CADM2: variants seen among roughly 807,000 people sequenced by gnomAD.
CADM2 encodes the protein immunoglobulin superfamily member 4D.
CADM2 carries 12 observed loss-of-function variants against 49.8 expected under a neutral mutation model. That is an observed-to-expected ratio of 0.24 (90% CI 0.15 to 0.39). The LOEUF is 0.39. CADM2 is among the 10% of genes least tolerant of loss of function. The probability of loss-of-function intolerance (pLI) is 1.00; values close to 1 mark genes in which losing one functional copy is unlikely to be tolerated. For missense variants in CADM2, 378 were observed against 492.3 expected (o/e 0.77, Z 2.20); for synonymous variants, 214 against 175.4 (o/e 1.22, Z -1.74).
chr3:85,335,309 A>G (rs1212232474), intron 1 of CADM2, among the ~76,000 whole-genome samples: 1 of 151,512 alleles, frequency 6.6e-6, no homozygotes, highest in Non-Finnish European at 1.5e-5. Flanking sequence ...ATATCGGGGT[A>G]GCATTTTGCA....
intron 1 of CADM2, among the ~76,000 whole-genome samples, chr3:85,081,574 G>C (rs2037167232): frequency 6.6e-6 from 1 of 152,174 alleles, no homozygotes. Flanking sequence ...GAACAAAGGA[G>C]ATTGTAAAGT....
chr3:85,107,580 CTTTCT>C (rs1250883019), intron 1 of CADM2, among the ~76,000 whole-genome samples: 13 of 66,746 alleles, frequency 1.9e-4, no homozygotes, highest in Admixed American at 3.1e-4. Context: ...TTCTCTCTTT[CTTTCT>C]TTTCTTTCTT....
intron 1 of CADM2, among the ~76,000 whole-genome samples, chr3:84,981,429 G>A (rs1335037487): frequency 6.6e-6 from 1 of 152,044 alleles, no homozygotes; most frequent in African/African-American, 2.4e-5. Flanking sequence ...GGAGGAATCT[G>A]AATTGTACGT....
intron 1 of CADM2, among the ~76,000 whole-genome samples, chr3:85,586,328 A>C (rs888989746): frequency 1.3e-5 from 2 of 152,112 alleles, no homozygotes; most frequent in African/African-American, 4.8e-5. Flanking sequence ...AATTCATAGC[A>C]AAAGCCTCCT....
intron 8 of CADM2, among the ~76,000 whole-genome samples, chr3:86,017,654 A>C (rs1732456796): frequency 6.6e-6 from 1 of 151,374 alleles, no homozygotes; most frequent in Non-Finnish European, 1.5e-5. Context: ...ACTTAAACCC[A>C]GAAGCAGAGG....
chr3:85,729,154 T>A (rs1229424144), intron 2 of CADM2, among the ~76,000 whole-genome samples: 1 of 152,182 alleles, frequency 6.6e-6, no homozygotes, highest in African/African-American at 2.4e-5. Context: ...TCTTTTGAAT[T>A]TACATTTCCT....
intron 1 of CADM2, among the ~76,000 whole-genome samples, chr3:85,600,680 A>G (rs2063365914): frequency 6.6e-6 from 1 of 151,776 alleles, no homozygotes; most frequent in Non-Finnish European, 1.5e-5. Context: ...GTTAACTTTC[A>G]GAATACAACA....
chr3:85,738,110 CAA>C lies in CADM2; in HGVS notation c.88+11563_88+11564del, dbSNP rs1309855203. 5.8e-3 allele frequency among the ~76,000 whole-genome samples: 885 copies of C among 152,232 alleles called. 12 individuals are homozygous for C. The highest frequency in any genetic ancestry group is 0.021 in the African/African-American group (857 of 41,536). The stretch of plus-strand genomic sequence containing the variant: ...CAGCCAGAAGTTATCTTGGGAAAGA[CAA>C]TCAAATCTCTTGGCTGCTTACCCAG... On this transcript the variant is annotated intron_variant, in intron 2 of 9. Coordinates refer to ENST00000383699, the MANE Select transcript of CADM2 (RefSeq NM_001167675.2).
intron 1 of CADM2, among the ~76,000 whole-genome samples, chr3:85,033,926 A>G (rs2035096054): frequency 6.6e-6 from 1 of 152,190 alleles, no homozygotes; most frequent in Admixed American, 6.5e-5. Flanking sequence ...GTCCATTATT[A>G]ATATGCTAAT....
At chr3:85,778,539 C>T (rs541756569) in intron 2 of CADM2, among the ~76,000 whole-genome samples, 11 of 152,190 alleles carry the variant, frequency 7.2e-5, no homozygotes, top group African/African-American at 2.6e-4. Context: ...TGCTTGCACT[C>T]ACTCCATCCT....
intron 3 of CADM2, among the ~76,000 whole-genome samples, chr3:85,836,128 C>T (rs2074399348): frequency 6.6e-6 from 1 of 151,528 alleles, no homozygotes; most frequent in African/African-American, 2.4e-5. Context: ...GACTAAAGCA[C>T]TCTGATAGCA....
intron 3 of CADM2, among the ~76,000 whole-genome samples, chr3:85,805,895 T>C (rs1009176820): frequency 6.6e-6 from 1 of 152,222 alleles, no homozygotes; most frequent in Admixed American, 6.5e-5. Flanking sequence ...TAAAGCTTCA[T>C]CTATAGCCTC....
At chr3:85,277,857 A>G (rs2106874036) in intron 1 of CADM2, among the ~76,000 whole-genome samples, 1 of 151,464 alleles carries the variant, frequency 6.6e-6, no homozygotes, top group South Asian at 2.1e-4. Flanking sequence ...ATTTCCTGCC[A>G]CTTCACAAAT....
At chr3:85,124,616 T>A (rs1470360150) in intron 1 of CADM2, among the ~76,000 whole-genome samples, 1 of 151,902 alleles carries the variant, frequency 6.6e-6, no homozygotes, top group Non-Finnish European at 1.5e-5. Context: ...AAAAACAAAC[T>A]AACTAACAAA....
chr3:85,471,752 A>T (rs2107610385), intron 1 of CADM2, among the ~76,000 whole-genome samples: 1 of 136,184 alleles, frequency 7.3e-6, no homozygotes, highest in Middle Eastern at 4.2e-3. Flanking sequence ...GGTACATGTA[A>T]GTTTGTTATA....
intron 1 of CADM2, among the ~76,000 whole-genome samples, chr3:85,481,968 G>C (rs1216940994): frequency 6.6e-6 from 1 of 151,664 alleles, no homozygotes; most frequent in Non-Finnish European, 1.5e-5. Context: ...AGATCAATGG[G>C]ACAGTGTATG....
At chr3:85,478,512 G>C (rs1266646980) in intron 1 of CADM2, among the ~76,000 whole-genome samples, 1 of 151,772 alleles carries the variant, frequency 6.6e-6, no homozygotes, top group Non-Finnish European at 1.5e-5. Flanking sequence ...ATGAGATTTG[G>C]CACTTCCTTT....
chr3:85,907,789 T>C (rs534838164), intron 5 of CADM2, among the ~76,000 whole-genome samples: 1 of 151,902 alleles, frequency 6.6e-6, no homozygotes, highest in South Asian at 2.1e-4. Flanking sequence ...CATACACCTG[T>C]AATCCCAGCT....
At chr3:85,570,719 A>G (rs187448819) in intron 1 of CADM2, among the ~76,000 whole-genome samples, 13 of 152,312 alleles carry the variant, frequency 8.5e-5, no homozygotes, top group African/African-American at 3.1e-4. Context: ...AGGGAAAAAT[A>G]TAGAATTCCA....
Sources: allele counts gnomAD v4.1 joint callset (sites outside exome capture counted in the v4.1 genomes callset), GRCh38; gene constraint gnomAD v4.1.1; transcripts MANE v1.5; gene names NCBI Gene and HGNC (gene_info 2026-07-23, HGNC 2026-07-21).